The following SLC12A4 variants were observed in gnomAD, a reference collection of about 807,000 sequenced individuals.
SLC12A4 encodes solute carrier family 12 member 4.
Under a neutral mutation model 119.2 loss-of-function variants are expected in SLC12A4, and 84 were observed. The observed-to-expected ratio is 0.70, with a 90% CI of 0.59 to 0.85. The LOEUF is 0.85. SLC12A4 is among the 40% of genes least tolerant of loss of function. The pLI is 0.00. For synonymous variants in SLC12A4, 599 were observed against 604.6 expected (o/e 0.99, Z 0.14); for missense variants, 1,298 against 1,476.3 (o/e 0.88, Z 1.98).
At chr16:67,964,190 G>C (rs560318001) in intron 1 of SLC12A4, 3 of 1,171,390 alleles carry the variant, frequency 2.6e-6, no homozygotes, top group East Asian at 5.2e-5. Flanking sequence ...GGACGGGTGG[G>C]TGTCGGACTG....
rs1022206904 is a variant in SLC12A4, at chr16:67,945,121, A to G, written c.3132T>C (p.Pro1044=). 12 of 1,596,768 alleles carry G rather than the reference A, an allele frequency of 7.5e-6. No homozygotes were observed. Among genetic ancestry groups the G allele is most frequent in the Non-Finnish European group, 1.0e-5 (12 of 1,170,136 alleles). ...HDARLVLLNM[P]GPPRNSEGDE... Reference sequence around the variant, plus strand: ...CGCCCTCACTGTTCCTGGGTGGGCCAGGCATGTTTAGGAGAACCAGGCGGG... The same window carrying G: ...CGCCCTCACTGTTCCTGGGTGGGCCGGGCATGTTTAGGAGAACCAGGCGGG... Residue 1044 remains proline, a synonymous_variant, in exon 23 of 24, where the codon CCT becomes CCC. Transcript: ENST00000316341.
intron 1 of SLC12A4, chr16:67,963,800 G>T: frequency 7.8e-7 from 1 of 1,282,990 alleles, no homozygotes; most frequent in Non-Finnish European, 1.1e-6. Context: ...ATCCAGGTGA[G>T]GGCGCAGGCG....
In SLC12A4 at chr16:67,950,944, A is replaced by C; in HGVS notation, c.1396+18T>G. 1 of 1,610,974 alleles carries C rather than the reference A, an allele frequency of 6.2e-7. No homozygotes were observed. The highest frequency in any genetic ancestry group is 8.5e-7 in the Non-Finnish European group (1 of 1,177,850). On this transcript the variant is annotated intron_variant, in intron 10 of 23. Coordinates refer to ENST00000316341, the MANE Select transcript of SLC12A4 (RefSeq NM_005072.5). The surrounding 1 kb of genome is among the most constrained non-coding windows in gnomAD (Gnocchi z 4.3). Reference sequence around the variant, plus strand: ...TCCCGTCCTCTGCCCCACCTGCCCCAGGCCTGGGAAAGGATACACACGAGG... The same window carrying C: ...TCCCGTCCTCTGCCCCACCTGCCCCCGGCCTGGGAAAGGATACACACGAGG...
intron 3 of SLC12A4, among the ~76,000 whole-genome samples, chr16:67,959,262 C>G (rs137919904): frequency 6.6e-6 from 1 of 152,288 alleles, no homozygotes; most frequent in Non-Finnish European, 1.5e-5. Context: ...CACTGAGCCC[C>G]CAAGAGTGCA....
At chr16:67,948,981 CAAG>C (rs1037029998) in intron 13 of SLC12A4, among the ~76,000 whole-genome samples, 3 of 152,152 alleles carry the variant, frequency 2.0e-5, no homozygotes, top group African/African-American at 4.8e-5. Flanking sequence ...ACCGCACAAG[CAAG>C]AAGGAGCGTC....
intron 1 of SLC12A4, among the ~76,000 whole-genome samples, chr16:67,964,336 GA>G (rs1366497615): frequency 3.9e-5 from 6 of 152,220 alleles, no homozygotes; most frequent in African/African-American, 1.4e-4. Context: ...CCAGCTCTGA[GA>G]AATCTCGCCA....
intron 3 of SLC12A4, among the ~76,000 whole-genome samples, chr16:67,960,241 C>A (rs1248190346): frequency 1.3e-5 from 2 of 152,206 alleles, no homozygotes; most frequent in Non-Finnish European, 2.9e-5. Flanking sequence ...CCTGAAGGGA[C>A]AAGGATGAGG....
chr16:67,965,183 A>G (rs1311570480), intron 1 of SLC12A4, among the ~76,000 whole-genome samples: 1 of 152,212 alleles, frequency 6.6e-6, no homozygotes, highest in Non-Finnish European at 1.5e-5. Context: ...TGTACCCTCC[A>G]TGCTTGTTCA....
In SLC12A4 at chr16:67,943,835, T is replaced by C; in HGVS notation, c.*1005A>G. The C allele has an allele frequency of 9.7e-7, 1 of 1,030,014 alleles. No individual in the cohort carries two copies. The highest frequency in any genetic ancestry group is 1.7e-5 in the South Asian group (1 of 58,260). 63.8% of individuals were successfully genotyped at this position (1,030,014 alleles called of 1,614,324 possible). A position where few individuals can be genotyped will look rare whatever the true frequency, so the allele number is the denominator to read the frequency against. ...CCCTCCCCACACCAGGGCAGGTACT[T>C]ATGTCGGGGCTTATGCAGGGCAGAA... On this transcript the variant is annotated 3_prime_UTR_variant, in exon 24 of 24. Transcript: ENST00000316341. The surrounding 1 kb of genome is among the most constrained non-coding windows in gnomAD (Gnocchi z 4.6).
chr16:67,957,580 C>T (rs1219046125), intron 5 of SLC12A4, 162 bp downstream of exon 5: 3 of 716,250 alleles, frequency 4.2e-6, no homozygotes, highest in South Asian at 1.9e-5. Flanking sequence ...CCAACTCTGT[C>T]AAGCAGGAAA....
At chr16:67,954,512 A>C in intron 6 of SLC12A4, 131 bp downstream of exon 6, 1 of 1,141,894 alleles carries the variant, frequency 8.8e-7, no homozygotes, top group Non-Finnish European at 1.2e-6. Flanking sequence ...TGTCTCTCGA[A>C]GAGGCTTCCT....
In SLC12A4 at chr16:67,950,815, A is replaced by C. The variant is rs1365807211; in HGVS notation, c.1397-104T>G. The C allele has an allele frequency of 6.8e-7, 1 of 1,476,328 alleles. No individual in the cohort carries two copies. Among genetic ancestry groups the C allele is most frequent in the Non-Finnish European group, 9.3e-7 (1 of 1,075,210 alleles). 91.5% of individuals were successfully genotyped at this position (1,476,328 alleles called of 1,614,324 possible). ...GACTACCAGGACACCTACAGCTGGG[A>C]GTCTCGTGGTGTGTATGTGCATGTG... On this transcript the variant is annotated intron_variant, in intron 10 of 23. Transcript: ENST00000316341. The surrounding 1 kb of genome is among the most constrained non-coding windows in gnomAD (Gnocchi z 4.3).
chr16:67,951,233 G>A lies in SLC12A4; in HGVS notation c.1204C>T (p.Pro402Ser), dbSNP rs1274932717. 1 of 1,614,062 alleles carries A rather than the reference G, an allele frequency of 6.2e-7. No individual in the cohort carries two copies. The highest frequency in any genetic ancestry group is 1.7e-5 in the Admixed American group (1 of 60,020). ...EKHGLPSADA[P>S]SLKESLPLYV... ...AGAGGCAGGCTCTCCTTCAGGCTCG[G>A]GGCATCTGCGGAGGGCAGCCCATGC... Residue 402 changes from proline to serine, a missense_variant, in exon 9 of 24, where the codon CCG becomes TCG. Physicochemically the swap from Pro to Ser is moderately conservative, Grantham distance 74 (BLOSUM62 -1). Transcript: ENST00000316341. The surrounding 1 kb of genome is among the most constrained non-coding windows in gnomAD (Gnocchi z 5.2).
chr16:67,947,218 GGAGGGTGCCCCGGGCAGCCC>G, intron 16 of SLC12A4, 93 bp downstream of exon 16: 6 of 1,498,368 alleles, frequency 4.0e-6, no homozygotes, highest in Non-Finnish European at 5.4e-6. Flanking sequence ...GCATGGCCCA[GGAGGGTGCCCCGGGCAGCCC>G]CAGGATGGGG....
chr16:67,950,210 CG>C lies in SLC12A4; in HGVS notation c.1629+108del. ...CTCCTCATGGATGGCCGCCTGGCCCCGGGGGCCAATAAGGGCAGGACGTGCT... is the reference window on the plus strand; with the variant it reads ...CTCCTCATGGATGGCCGCCTGGCCCCGGGGCCAATAAGGGCAGGACGTGCT... On this transcript the variant is annotated intron_variant, in intron 12 of 23. Coordinates refer to ENST00000316341, the MANE Select transcript of SLC12A4 (RefSeq NM_005072.5). The surrounding 1 kb of genome is among the most constrained non-coding windows in gnomAD (Gnocchi z 4.3). 3.0e-6 allele frequency: 4 copies of C among 1,352,004 alleles called. No individual in the cohort carries two copies. The highest frequency in any genetic ancestry group is 2.3e-5 in the East Asian group (1 of 42,698). 83.8% of individuals were successfully genotyped at this position (1,352,004 alleles called of 1,614,324 possible).
intron 6 of SLC12A4, among the ~76,000 whole-genome samples, chr16:67,953,192 C>T (rs2030039969): frequency 6.6e-6 from 1 of 151,590 alleles, no homozygotes; most frequent in Non-Finnish European, 1.5e-5. Context: ...TTCGAGACAA[C>T]CCCAGGCAAC....
chr16:67,951,753 A>G lies in SLC12A4; in HGVS notation c.1132+70T>C. 1 of 1,367,984 alleles carries G rather than the reference A, an allele frequency of 7.3e-7. No individual in the cohort carries two copies. The highest frequency in any genetic ancestry group is 1.0e-6 in the Non-Finnish European group (1 of 989,376). The allele number at this position is 1,367,984 out of a possible 1,614,324, so 84.7% of individuals were successfully genotyped here. A position where few individuals can be genotyped will look rare whatever the true frequency, so the allele number is the denominator to read the frequency against. On this transcript the variant is annotated intron_variant, in intron 8 of 23. Transcript: ENST00000316341. The surrounding 1 kb of genome is among the most constrained non-coding windows in gnomAD (Gnocchi z 5.2). ...CCGTTCCCAAGCTGGCCACACAAGGACAGCTCTGTGCTCTGTGCCCCTGCT... is the reference window on the plus strand; with the variant it reads ...CCGTTCCCAAGCTGGCCACACAAGGGCAGCTCTGTGCTCTGTGCCCCTGCT...
rs1289589807 is a variant in SLC12A4, at chr16:67,945,406, C to T, written c.2995G>A (p.Ala999Thr). The T allele has an allele frequency of 1.9e-6, 3 of 1,614,036 alleles. No individual in the cohort carries two copies. The highest frequency in any genetic ancestry group is 2.5e-6 in the Non-Finnish European group (3 of 1,179,972). The part of the protein sequence containing the change: ...YMTETWDPSH[A>T]PDNFRELVHI... The stretch of plus-strand genomic sequence containing the variant: ...ACCAGCTCCCGGAAATTGTCAGGGG[C>T]ATGGCTGGGGTCCCAGGTCTCAGTC... The change falls in exon 22 of 24, where the codon GCC (alanine) becomes ACC (threonine). Residue 999 changes from alanine to threonine, a missense_variant. Coordinates refer to ENST00000316341, the MANE Select transcript of SLC12A4 (RefSeq NM_005072.5).
At position 67,963,562 on chromosome 16, in the gene SLC12A4, G is replaced by C. The variant is rs1320025978; in HGVS notation, c.116-3C>G. Reference sequence around the variant, plus strand: ...GCTCTCTCTGTGGTTGCCATGTCCTGTGAAGAGAGAGGGACAATCAGGGCC... The same window carrying C: ...GCTCTCTCTGTGGTTGCCATGTCCTCTGAAGAGAGAGGGACAATCAGGGCC... On this transcript the variant is annotated splice_polypyrimidine_tract_variant and splice_region_variant and intron_variant, in intron 1 of 23. Transcript: ENST00000316341. 1.3e-6 allele frequency: 2 copies of C among 1,563,986 alleles called. No homozygotes were observed. Among genetic ancestry groups the C allele is most frequent in the East Asian group, 2.3e-5 (1 of 44,128 alleles).
Sources: allele counts gnomAD v4.1 joint callset (sites outside exome capture counted in the v4.1 genomes callset), GRCh38; gene constraint gnomAD v4.1.1; non-coding constraint Gnocchi (gnomAD v3.1); transcripts MANE v1.5; gene names NCBI Gene and HGNC (gene_info 2026-07-23, HGNC 2026-07-21).